The following RARB variants were observed in gnomAD, a reference collection of about 807,000 sequenced individuals.
The protein encoded by RARB is HBV-activated protein.
A neutral mutation model predicts 51.9 loss-of-function variants in RARB; 17 were observed. That is an observed-to-expected ratio of 0.33 (90% CI 0.22 to 0.49). The LOEUF is 0.49. RARB is among the 20% of genes least tolerant of loss of function. RARB has a pLI of 0.99. For synonymous variants in RARB, 215 were observed against 195.4 expected (o/e 1.10, Z -0.84); for missense variants, 369 against 550.8 (o/e 0.67, Z 3.30).
At chr3:25,312,113 G>A (rs543406938) in intron 5 of RARB, among the ~76,000 whole-genome samples, 1 of 152,274 alleles carries the variant, frequency 6.6e-6, no homozygotes, top group South Asian at 2.1e-4. Context: ...TTGACTACAA[G>A]GCAATCATTT....
intron 3 of RARB, among the ~76,000 whole-genome samples, chr3:25,549,127 G>A (rs1699739935): frequency 2.0e-5 from 3 of 151,814 alleles, no homozygotes; most frequent in Admixed American, 6.6e-5. Context: ...AAACCTGGTG[G>A]CCTAACAAGC....
chr3:25,234,870 C>G (rs1485159484), intron 5 of RARB, among the ~76,000 whole-genome samples: 1 of 152,116 alleles, frequency 6.6e-6, no homozygotes, highest in Non-Finnish European at 1.5e-5. Flanking sequence ...GCAGGTTTTT[C>G]TCTTGGGGTT....
At chr3:25,341,443 C>G (rs1181801812) in intron 5 of RARB, among the ~76,000 whole-genome samples, 4 of 152,108 alleles carry the variant, frequency 2.6e-5, no homozygotes, top group South Asian at 2.1e-4. Context: ...AATTTGCCAC[C>G]TATTTTGTCT....
At chr3:25,160,389 A>G (rs987914297) in intron 4 of RARB, among the ~76,000 whole-genome samples, 2 of 152,100 alleles carry the variant, frequency 1.3e-5, no homozygotes, top group Non-Finnish European at 2.9e-5. Flanking sequence ...TTCTTCTAGA[A>G]CCCACGTCTT....
chr3:25,309,486 C>CTTTTTTTT (rs149976069), intron 5 of RARB, among the ~76,000 whole-genome samples: 4 of 58,084 alleles, frequency 6.9e-5, no homozygotes, highest in East Asian at 5.4e-4. Context: ...CTCATAGTTG[C>CTTTTTTTT]TTTTTTTTTT....
chr3:24,969,165 G>A (rs1303094116), intron 2 of RARB, among the ~76,000 whole-genome samples: 2 of 152,026 alleles, frequency 1.3e-5, no homozygotes, highest in African/African-American at 4.8e-5. Context: ...CATAAATGTA[G>A]AAGTGTTTGT....
At chr3:25,109,956 C>T (rs888043475) in intron 3 of RARB, among the ~76,000 whole-genome samples, 8 of 152,218 alleles carry the variant, frequency 5.3e-5, no homozygotes, top group African/African-American at 1.7e-4. Flanking sequence ...CTTCCCATCT[C>T]GCTTATGAGC....
At chr3:25,499,842 A>G (rs889677553) in intron 2 of RARB, among the ~76,000 whole-genome samples, 4 of 152,200 alleles carry the variant, frequency 2.6e-5, no homozygotes, top group Non-Finnish European at 5.9e-5. Context: ...AAAATGGTTC[A>G]TTTCCTACAG....
intron 5 of RARB, among the ~76,000 whole-genome samples, chr3:25,321,909 T>A (rs1704583038): frequency 6.6e-6 from 1 of 151,254 alleles, no homozygotes; most frequent in African/African-American, 2.4e-5. Context: ...GGGGAATTTG[T>A]GGAGGCAGGC....
intron 5 of RARB, among the ~76,000 whole-genome samples, chr3:25,176,342 C>CT (rs1700747733): frequency 5.7e-5 from 3 of 52,430 alleles, no homozygotes; most frequent in African/African-American, 1.9e-4. Context: ...TCTTTCCTTC[C>CT]TTCCTTCCTT....
At chr3:24,904,072 C>A (rs1694791189) in intron 2 of RARB, among the ~76,000 whole-genome samples, 1 of 152,134 alleles carries the variant, frequency 6.6e-6, no homozygotes, top group African/African-American at 2.4e-5. Context: ...TTAGAAACAA[C>A]AAATGTTAAT....
At chr3:25,401,920 G>C (rs1474158237) in intron 5 of RARB, among the ~76,000 whole-genome samples, 1 of 152,088 alleles carries the variant, frequency 6.6e-6, no homozygotes, top group Non-Finnish European at 1.5e-5. Flanking sequence ...GGGATTATAG[G>C]TGTGCGCCAC....
chr3:25,532,667 G>C (rs572324107), intron 3 of RARB, among the ~76,000 whole-genome samples: 2 of 152,204 alleles, frequency 1.3e-5, no homozygotes, highest in Admixed American at 6.5e-5. Context: ...CTAACATCCA[G>C]GAAGAGGAGC....
intron 3 of RARB, among the ~76,000 whole-genome samples, chr3:25,102,926 C>T (rs1035034922): frequency 6.6e-6 from 1 of 152,114 alleles, no homozygotes; most frequent in African/African-American, 2.4e-5. Context: ...TGATGCATGC[C>T]TGTAATCCCA....
At chr3:25,035,609 T>G (rs896599487) in intron 2 of RARB, among the ~76,000 whole-genome samples, 1 of 152,146 alleles carries the variant, frequency 6.6e-6, no homozygotes, top group African/African-American at 2.4e-5. Flanking sequence ...TGATGTTGCT[T>G]CACCTAAACT....
intron 2 of RARB, among the ~76,000 whole-genome samples, chr3:25,482,257 CTG>C (rs1257540079): frequency 6.6e-6 from 1 of 152,192 alleles, no homozygotes; most frequent in African/African-American, 2.4e-5. Context: ...AAAAATATGA[CTG>C]TATGCAGGCT....
At chr3:25,087,208 A>T (rs1217692301) in intron 3 of RARB, among the ~76,000 whole-genome samples, 2 of 152,170 alleles carry the variant, frequency 1.3e-5, no homozygotes, top group Non-Finnish European at 1.5e-5. Flanking sequence ...AGGTATATTG[A>T]GGCCTGTCTG....
chr3:25,203,379 T>G (rs1701446830), intron 5 of RARB, among the ~76,000 whole-genome samples: 1 of 152,234 alleles, frequency 6.6e-6, no homozygotes, highest in South Asian at 2.1e-4. Context: ...TCTTGACTCT[T>G]TATCCAATTT....
At chr3:25,571,982 A>T (rs1440089292) in intron 4 of RARB, among the ~76,000 whole-genome samples, 1 of 152,196 alleles carries the variant, frequency 6.6e-6, no homozygotes, top group Non-Finnish European at 1.5e-5. Flanking sequence ...CAATACCTGA[A>T]AGTATGCCAT....
Sources: gnomAD v4.1 joint callset for allele counts (sites outside exome capture counted in the v4.1 genomes callset) on GRCh38, gnomAD v4.1.1 for gene constraint, MANE v1.5 for transcripts, NCBI Gene and HGNC (gene_info 2026-07-23, HGNC 2026-07-21) for gene names.